Variants in AKAP3 observed in about 807,000 individuals in gnomAD.
AKAP3 encodes the protein A-kinase anchoring protein 3.
A neutral mutation model predicts 57.2 loss-of-function variants in AKAP3; 27 were observed. That is an observed-to-expected ratio of 0.47 (90% CI 0.35 to 0.65). The LOEUF is 0.65. Among genes scored for constraint, AKAP3 ranks in the 30% least tolerant of loss-of-function variants. AKAP3 has a pLI of 0.01. For missense variants in AKAP3, 959 were observed against 1,040.0 expected, an observed-to-expected ratio of 0.92 and a Z score of 1.07; for synonymous variants, 334 against 392.3, an observed-to-expected ratio of 0.85 and a Z score of 1.76.
chr12:4,632,039 G>A (rs1414282354), intron 4 of AKAP3, among the ~76,000 whole-genome samples: 1 of 152,176 alleles, frequency 6.6e-6, no homozygotes, highest in Non-Finnish European at 1.5e-5. Flanking sequence ...ATGTTTTATA[G>A]TATGTCAGCC....
intron 4 of AKAP3, chr12:4,635,941 T>G: frequency 1.1e-6 from 1 of 939,128 alleles, no homozygotes; most frequent in Non-Finnish European, 1.7e-6. Context: ...AGCAGTTGGT[T>G]TTCTTTTTGG....
intron 1 of AKAP3, chr12:4,648,049 AG>A (rs147011440): frequency 6.6e-6 from 1 of 152,360 alleles, no homozygotes; most frequent in East Asian, 1.9e-4. Flanking sequence ...GATAAGCCTA[AG>A]GTATGTTTCA....
intron 5 of AKAP3, among the ~76,000 whole-genome samples, chr12:4,619,132 A>C (rs1477543319): frequency 6.6e-6 from 1 of 152,266 alleles, no homozygotes; most frequent in Admixed American, 6.5e-5. Flanking sequence ...ATGAGATACC[A>C]CTATAATTAT....
chr12:4,638,325 C>G, intron 3 of AKAP3, 129 bp from the exon 4 acceptor site: 2 of 672,670 alleles, frequency 3.0e-6, no homozygotes, highest in South Asian at 1.8e-5. Flanking sequence ...CCTTCCCCAA[C>G]AGCCACTTCA....
At chr12:4,633,794 T>G (rs1945530452) in intron 4 of AKAP3, among the ~76,000 whole-genome samples, 1 of 140,560 alleles carries the variant, frequency 7.1e-6, no homozygotes, top group Admixed American at 7.0e-5. Flanking sequence ...TCTCCACCTT[T>G]GTCTCAATTA....
intron 1 of AKAP3, chr12:4,645,674 A>C (rs1945690260): frequency 1.3e-5 from 2 of 152,132 alleles, no homozygotes; most frequent in African/African-American, 4.8e-5. Context: ...ATCTAATGCC[A>C]CCACTGATCT....
chr12:4,635,993 T>C, intron 4 of AKAP3: 2 of 1,394,650 alleles, frequency 1.4e-6, no homozygotes, highest in Non-Finnish European at 1.0e-6. Context: ...ACTTTGAGAG[T>C]TACCCCAATG....
rs775824973 is a variant in AKAP3, at chr12:4,624,315, ACGTGTGTGTGTGTGTGTGTGTG to A, written c.2406+2159_2406+2180del. ...ATAAAAAATAATAATTTGTGACTTTACGTGTGTGTGTGTGTGTGTGTGTGTGTGTGTGTGTGTGTGTGTGTGT... is the reference window on the plus strand; with the variant it reads ...ATAAAAAATAATAATTTGTGACTTTATGTGTGTGTGTGTGTGTGTGTGTGT... On this transcript the variant is annotated intron_variant, in intron 5 of 5. Coordinates refer to ENST00000228850, the MANE Select transcript of AKAP3 (RefSeq NM_001278309.2). Among the ~76,000 whole-genome samples, 262 of 146,324 alleles carry A rather than the reference ACGTGTGTGTGTGTGTGTGTGTG, an allele frequency of 1.8e-3. 3 individuals are homozygous for A. The highest frequency in any genetic ancestry group is 6.1e-3 in the African/African-American group (240 of 39,318).
intron 3 of AKAP3, among the ~76,000 whole-genome samples, chr12:4,638,501 A>ATGTC (rs1267080894): frequency 1.3e-5 from 2 of 152,054 alleles, no homozygotes; most frequent in African/African-American, 2.4e-5. Flanking sequence ...CCGCCCCTTT[A>ATGTC]TGTCCTTGCT....
In AKAP3 at chr12:4,643,598, T is replaced by C. The variant is rs117621074; in HGVS notation, c.-107+1457A>G. 5.7e-3 allele frequency among the ~76,000 whole-genome samples: 862 copies of C among 152,354 alleles called. 5 individuals are homozygous for C. The highest frequency in any genetic ancestry group is 0.026 in the South Asian group (126 of 4,828). ...GAATCAGCAGATATATTCCTTTAGA[T>C]ATTCCAGCCCTGATAACATTCTGGC... On this transcript the variant is annotated intron_variant, in intron 2 of 5. Coordinates refer to ENST00000228850, the MANE Select transcript of AKAP3 (RefSeq NM_001278309.2).
At chr12:4,623,183 G>A (rs1187202081) in intron 5 of AKAP3, among the ~76,000 whole-genome samples, 1 of 152,194 alleles carries the variant, frequency 6.6e-6, no homozygotes, top group Non-Finnish European at 1.5e-5. Flanking sequence ...CTCAACCATT[G>A]TCAAAAGCAG....
intron 4 of AKAP3, among the ~76,000 whole-genome samples, chr12:4,630,531 A>T (rs1254571540): frequency 1.3e-5 from 2 of 152,240 alleles, no homozygotes; most frequent in Non-Finnish European, 2.9e-5. Flanking sequence ...GTGGCTTGTT[A>T]TCATGTCGGA....
At chr12:4,633,493 G>C (rs955199994) in intron 4 of AKAP3, among the ~76,000 whole-genome samples, 1 of 152,036 alleles carries the variant, frequency 6.6e-6, no homozygotes, top group African/African-American at 2.4e-5. Context: ...TGTAGTGACT[G>C]AAAGACTAAG....
At chr12:4,632,789 C>CAT (rs1945514844) in intron 4 of AKAP3, among the ~76,000 whole-genome samples, 2 of 152,016 alleles carry the variant, frequency 1.3e-5, no homozygotes, top group Non-Finnish European at 2.9e-5. Flanking sequence ...TACAGGTGCC[C>CAT]GCCATCACGC....
intron 2 of AKAP3, among the ~76,000 whole-genome samples, chr12:4,643,026 G>C (rs1945656057): frequency 6.6e-6 from 1 of 152,230 alleles, no homozygotes; most frequent in African/African-American, 2.4e-5. Flanking sequence ...TCACCGCACA[G>C]ACTTACTCAG....
rs755905916 is a variant in AKAP3 at position 4,628,520 on chromosome 12, C to T, written c.382G>A (p.Ala128Thr). 6.2e-7 allele frequency: 1 copy of T among 1,614,068 alleles called. No individual in the cohort carries two copies. Among genetic ancestry groups the T allele is most frequent in the Non-Finnish European group, 8.5e-7 (1 of 1,180,010 alleles). Residue 128 changes from alanine to threonine, a missense_variant, in exon 5 of 6, where the codon GCT becomes ACT. Transcript: ENST00000228850. ...GSSVDEVSFY[A>T]NRLTNLVIAM... ...ATGACTAGATTCGTGAGGCGGTTAGCATAGAAGGAAACTTCATCTACTGAA... is the reference window on the plus strand; with the variant it reads ...ATGACTAGATTCGTGAGGCGGTTAGTATAGAAGGAAACTTCATCTACTGAA...
intron 4 of AKAP3, among the ~76,000 whole-genome samples, chr12:4,634,231 T>C (rs1251420656): frequency 1.3e-5 from 2 of 152,162 alleles, no homozygotes; most frequent in East Asian, 3.9e-4. Flanking sequence ...ACAAGATTGT[T>C]ACTAACATAT....
Position 4,627,569 on chromosome 12 carries a change from A to G in AKAP3, c.1333T>C (p.Cys445Arg). ...YSEPKSEEET[C>R]AKTLGEHIIK... ...ATGTGCTCACCCAGAGTTTTCGCAC[A>G]AGTCTCCTCCTCTGATTTGGGTTCA... Residue 445 changes from cysteine (C) to arginine (R), a missense_variant, in exon 5 of 6, where the codon TGT becomes CGT. Transcript: ENST00000228850. 1 of 1,614,172 alleles carries G rather than the reference A, an allele frequency of 6.2e-7. No individual in the cohort carries two copies.
At chr12:4,647,509 A>G (rs1235541305) in intron 1 of AKAP3, among the ~76,000 whole-genome samples, 5 of 144,890 alleles carry the variant, frequency 3.5e-5, no homozygotes, top group African/African-American at 7.5e-5. Flanking sequence ...CCCATCTCTG[A>G]AAAAAAAAAA....
Sources: gnomAD v4.1 joint callset for allele counts (sites outside exome capture counted in the v4.1 genomes callset) on GRCh38, gnomAD v4.1.1 for gene constraint, MANE v1.5 for transcripts, NCBI Gene and HGNC (gene_info 2026-07-23, HGNC 2026-07-21) for gene names.